Variants in SVOP observed in about 807,000 individuals in gnomAD.
The protein encoded by SVOP is SV2 related protein, also known as synaptic vesicle 2-related protein.
In SVOP, 17 loss-of-function variants were observed where a neutral mutation model predicts 69.1. The ratio of observed to expected loss-of-function variants is 0.25; its 90% CI spans 0.17 to 0.37. SVOP has a LOEUF of 0.37. Among genes scored for constraint, SVOP ranks in the 10% least tolerant of loss-of-function variants. The probability of loss-of-function intolerance (pLI) is 1.00; values close to 1 mark genes in which losing one functional copy is unlikely to be tolerated. For missense variants in SVOP, 435 were observed against 597.5 expected (o/e 0.73, Z 2.84); for synonymous variants, 238 against 238.6 (o/e 1.00, Z 0.02).
intron 1 of SVOP, among the ~76,000 whole-genome samples, chr12:108,995,983 T>C (rs1425096924): frequency 2.6e-5 from 4 of 151,492 alleles, no homozygotes; most frequent in South Asian, 2.1e-4. Context: ...CATACATACA[T>C]ACACACACAT....
At chr12:109,007,589 A>C (rs2040315947) in intron 1 of SVOP, among the ~76,000 whole-genome samples, 1 of 152,212 alleles carries the variant, frequency 6.6e-6, no homozygotes, top group African/African-American at 2.4e-5. Context: ...CACTCTCATG[A>C]GAGGCACTGC....
At chr12:108,992,831 G>T (rs1458420905) in intron 1 of SVOP, among the ~76,000 whole-genome samples, 1 of 152,044 alleles carries the variant, frequency 6.6e-6, no homozygotes, top group African/African-American at 2.4e-5. Flanking sequence ...TGAGGGTTGT[G>T]CAACCTTGTA....
intron 4 of SVOP, among the ~76,000 whole-genome samples, chr12:108,974,179 G>T (rs1263429315): frequency 1.3e-5 from 2 of 152,146 alleles, no homozygotes; most frequent in East Asian, 3.9e-4. Flanking sequence ...TTCAGGAAAA[G>T]TGACAAATAG....
At chr12:108,944,285 C>T (rs773338920) in intron 7 of SVOP, among the ~76,000 whole-genome samples, 10 of 152,068 alleles carry the variant, frequency 6.6e-5, no homozygotes, top group East Asian at 1.9e-4. Context: ...TCAAGTGATC[C>T]TCTTGCCTTG....
At chr12:108,914,989 G>A (rs61935491) in intron 15 of SVOP, among the ~76,000 whole-genome samples, 45,371 of 150,746 alleles carry the variant, frequency 0.3, 7,957 homozygotes, top group South Asian at 0.49. Flanking sequence ...CCTGGCCAAC[G>A]TGGTGAAACC....
chr12:108,919,738 GTCT>G lies in SVOP; in HGVS notation c.1202_1204del (p.Lys401del). The G allele has an allele frequency of 6.2e-7, 1 of 1,607,026 alleles. No homozygotes were observed. The highest frequency in any genetic ancestry group is 2.2e-5 in the East Asian group (1 of 44,628). ...GAAGATGACAAAGCACAGGGCCATG[GTCT>G]TCTTGCGCCCCAGGCGGTCAATAAT... On this transcript the variant is annotated inframe_deletion, in exon 13 of 16. Coordinates refer to ENST00000610966, the MANE Select transcript of SVOP (RefSeq NM_018711.5).
intron 8 of SVOP, among the ~76,000 whole-genome samples, chr12:108,939,527 A>C (rs1348996391): frequency 1.3e-5 from 2 of 152,234 alleles, no homozygotes; most frequent in Non-Finnish European, 2.9e-5. Flanking sequence ...ATGGAGCAAC[A>C]GCTGTTTGAA....
At chr12:108,938,778 C>A in intron 9 of SVOP, 49 bp downstream of exon 9, 2 of 1,612,514 alleles carry the variant, frequency 1.2e-6, no homozygotes, top group Middle Eastern at 1.7e-4. Flanking sequence ...CACTCCCCTG[C>A]ATGCACCCCG....
Position 108,940,990 on chromosome 12 carries a change from G to A in SVOP, c.643-81C>T, listed in dbSNP as rs996554456. 58 of 1,484,816 alleles carry A rather than the reference G, an allele frequency of 3.9e-5. 1 individual carries two copies. The highest frequency in any genetic ancestry group is 4.4e-4 in the Middle Eastern group (2 of 4,552). The allele number at this position is 1,484,816 out of a possible 1,614,324, so 92.0% of individuals were successfully genotyped here. ...AATTATGGGGGCATTGTGGACAAGG[G>A]TATCTCTGTGGGTAAGGGGTCATCG... On this transcript the variant is annotated intron_variant, in intron 7 of 15. Coordinates refer to ENST00000610966, the MANE Select transcript of SVOP (RefSeq NM_018711.5).
intron 6 of SVOP, among the ~76,000 whole-genome samples, chr12:108,947,152 A>T (rs1206170005): frequency 6.6e-6 from 1 of 152,058 alleles, no homozygotes; most frequent in Non-Finnish European, 1.5e-5. Context: ...CTAGCACAAG[A>T]TATTCAGCTC....
chr12:108,957,918 C>T (rs2039994486), intron 6 of SVOP, among the ~76,000 whole-genome samples: 1 of 152,180 alleles, frequency 6.6e-6, no homozygotes, highest in Non-Finnish European at 1.5e-5. Context: ...CCATTGCAGC[C>T]GTGAGACTTT....
intron 1 of SVOP, among the ~76,000 whole-genome samples, chr12:109,008,586 A>G (rs2040323090): frequency 6.6e-6 from 1 of 152,220 alleles, no homozygotes; most frequent in Non-Finnish European, 1.5e-5. Context: ...AGGTAATGAT[A>G]AAAAATAAAT....
chr12:108,914,956 C>G (rs533438937), intron 15 of SVOP, among the ~76,000 whole-genome samples: 1 of 151,396 alleles, frequency 6.6e-6, no homozygotes, highest in African/African-American at 2.4e-5. Context: ...AGGCAGATCA[C>G]AAGGTCAAGA....
At chr12:108,952,351 C>T (rs2039960650) in intron 6 of SVOP, among the ~76,000 whole-genome samples, 1 of 149,784 alleles carries the variant, frequency 6.7e-6, no homozygotes. Context: ...TCTCCTGCCT[C>T]AGCCTCCCAA....
At chr12:109,001,016 C>G (rs957389290) in intron 1 of SVOP, among the ~76,000 whole-genome samples, 2 of 151,856 alleles carry the variant, frequency 1.3e-5, no homozygotes, top group African/African-American at 4.8e-5. Context: ...AAGAGGAAGT[C>G]AAATTGTCCC....
chr12:108,958,583 C>T lies in SVOP; in HGVS notation c.578+2340G>A, dbSNP rs150713971. On this transcript the variant is annotated intron_variant, in intron 6 of 15. Transcript: ENST00000610966. ...GGAACACATCCCCATCATTAAGTGACGCATGACTATATTTGAAGCAAGTGG... is the reference window on the plus strand; with the variant it reads ...GGAACACATCCCCATCATTAAGTGATGCATGACTATATTTGAAGCAAGTGG... Among the ~76,000 whole-genome samples, 664 of 152,186 alleles carry T rather than the reference C, an allele frequency of 4.4e-3. 3 individuals carry two copies. Among genetic ancestry groups the T allele is most frequent in the Non-Finnish European group, 6.5e-3 (440 of 68,012 alleles).
At chr12:108,982,243 C>A (rs1036769204) in intron 2 of SVOP, among the ~76,000 whole-genome samples, 32 of 150,086 alleles carry the variant, frequency 2.1e-4, no homozygotes, top group African/African-American at 6.9e-4. Context: ...ATCACTATCA[C>A]CATCATTATC....
intron 8 of SVOP, among the ~76,000 whole-genome samples, chr12:108,940,387 C>T (rs2039883607): frequency 1.3e-5 from 2 of 152,196 alleles, no homozygotes. Context: ...CTCCTGGAGC[C>T]AGCCATGCCT....
At chr12:109,003,684 C>T (rs187328921) in intron 1 of SVOP, among the ~76,000 whole-genome samples, 72 of 152,252 alleles carry the variant, frequency 4.7e-4, no homozygotes, top group Non-Finnish European at 9.0e-4. Flanking sequence ...TAAAGCTCAC[C>T]GCACCCTCCA....
Sources: allele counts gnomAD v4.1 joint callset (sites outside exome capture counted in the v4.1 genomes callset), GRCh38; gene constraint gnomAD v4.1.1; transcripts MANE v1.5; gene names NCBI Gene and HGNC (gene_info 2026-07-23, HGNC 2026-07-21).